FAM81A: variants seen among roughly 807,000 people sequenced by gnomAD.
The protein encoded by FAM81A is protein FAM81A.
Under a neutral mutation model 46.7 loss-of-function variants are expected in FAM81A, and 19 were observed. That is an observed-to-expected ratio of 0.41 (90% CI 0.28 to 0.60). The LOEUF (loss-of-function observed/expected upper bound fraction) is 0.60. Among genes scored for constraint, FAM81A ranks in the 20% least tolerant of loss-of-function variants. FAM81A has a pLI of 0.34. For missense variants in FAM81A, 377 were observed against 453.5 expected, an observed-to-expected ratio of 0.83 and a Z score of 1.53; for synonymous variants, 183 against 152.9, an observed-to-expected ratio of 1.20 and a Z score of -1.45.
chr15:59,517,017 AT>A (rs2082274732), intron 8 of FAM81A, among the ~76,000 whole-genome samples, 177 bp downstream of exon 8: 1 of 152,132 alleles, frequency 6.6e-6, no homozygotes, highest in South Asian at 2.1e-4. Flanking sequence ...TGCTGTTTGA[AT>A]TTCAGCTATA....
intron 1 of FAM81A, among the ~76,000 whole-genome samples, chr15:59,442,948 A>G (rs923624238): frequency 1.4e-4 from 22 of 152,238 alleles, no homozygotes; most frequent in African/African-American, 4.8e-4. Context: ...TTTAAAAAGG[A>G]CATTTTCTTG....
chr15:59,491,970 AAAAAAG>A (rs150319039), intron 3 of FAM81A, among the ~76,000 whole-genome samples: 11,772 of 151,644 alleles, frequency 0.078, 501 homozygotes, highest in African/African-American at 0.12. Flanking sequence ...CATCTCAAAA[AAAAAAG>A]AAAAAAGAAA....
At chr15:59,488,823 G>C (rs1406652790) in intron 3 of FAM81A, among the ~76,000 whole-genome samples, 1 of 151,844 alleles carries the variant, frequency 6.6e-6, no homozygotes. Context: ...CCAAAAATAC[G>C]ATAAAATAGC....
chr15:59,402,506 G>T (rs2081075902), intron 2 of FAM81A: 1 of 152,016 alleles, frequency 6.6e-6, no homozygotes, highest in South Asian at 2.1e-4. Flanking sequence ...CATGTGTTTG[G>T]CTTGGCTAGA....
At chr15:59,480,516 A>G (rs1419429927) in intron 3 of FAM81A, among the ~76,000 whole-genome samples, 1 of 152,160 alleles carries the variant, frequency 6.6e-6, no homozygotes, top group Non-Finnish European at 1.5e-5. Context: ...TCTTTGAAAA[A>G]ATAAATGAGG....
At chr15:59,421,226 G>A (rs2081169526) in intron 2 of FAM81A, among the ~76,000 whole-genome samples, 1 of 152,146 alleles carries the variant, frequency 6.6e-6, no homozygotes, top group African/African-American at 2.4e-5. Flanking sequence ...ATCACACTTC[G>A]ACGGGCAATG....
chr15:59,494,767 T>C (rs1243820006), intron 4 of FAM81A, among the ~76,000 whole-genome samples: 2 of 152,236 alleles, frequency 1.3e-5, no homozygotes, highest in Non-Finnish European at 2.9e-5. Context: ...ATGAACATTT[T>C]AAGTGGTATT....
upstream of FAM81A, among the ~76,000 whole-genome samples, chr15:59,435,195 G>A (rs2081237929): frequency 6.6e-6 from 1 of 152,162 alleles, no homozygotes; most frequent in South Asian, 2.1e-4. Flanking sequence ...GCTGAGGCGG[G>A]AGAATTGCTT....
intron 3 of FAM81A, among the ~76,000 whole-genome samples, chr15:59,479,540 AAAGGAT>A (rs1394800942): frequency 1.1e-4 from 16 of 146,364 alleles, no homozygotes; most frequent in African/African-American, 3.6e-4. Flanking sequence ...AAAAAAAAAA[AAAGGAT>A]GGTAAGGGAA....
chr15:59,436,303 T>G (rs1225141839), upstream of FAM81A, among the ~76,000 whole-genome samples: 1 of 152,056 alleles, frequency 6.6e-6, no homozygotes, highest in Non-Finnish European at 1.5e-5. Context: ...CTCTGTTTTA[T>G]AGGTGTTCCA....
At chr15:59,475,301 C>T (rs544355235) in intron 3 of FAM81A, among the ~76,000 whole-genome samples, 1 of 152,176 alleles carries the variant, frequency 6.6e-6, no homozygotes, top group African/African-American at 2.4e-5. Context: ...CACCACCACA[C>T]CCGGCTGATT....
chr15:59,439,390 A>ATGTGTG (rs146816824), intron 1 of FAM81A, among the ~76,000 whole-genome samples: 1 of 141,608 alleles, frequency 7.1e-6, no homozygotes, highest in African/African-American at 2.6e-5. Flanking sequence ...GCGTGTGTGT[A>ATGTGTG]TGTGTGTGTG....
rs774678515 is a variant in FAM81A, at chr15:59,460,348, C to T, written c.294+142C>T. ...GTCTGTCTTGTCTATTCTTAATGAT[C>T]GCCAAGGAGACAGCTTGCAGAAATA... On this transcript the variant is annotated intron_variant, in intron 3 of 8. Coordinates refer to ENST00000288228, the MANE Select transcript of FAM81A (RefSeq NM_152450.3). This position sits in a 1 kb window ranked among gnomAD's most constrained non-coding sequence, Gnocchi z 4.4. 67 of 1,100,204 alleles carry T rather than the reference C, an allele frequency of 6.1e-5. No individual in the cohort carries two copies. Among genetic ancestry groups the T allele is most frequent in the Non-Finnish European group, 9.0e-5 (65 of 722,252 alleles). The allele number at this position is 1,100,204 out of a possible 1,614,324, so 68.2% of individuals were successfully genotyped here.
intron 3 of FAM81A, among the ~76,000 whole-genome samples, chr15:59,485,077 G>A (rs1233056906): frequency 3.3e-5 from 5 of 152,172 alleles, no homozygotes; most frequent in Admixed American, 6.5e-5. Flanking sequence ...GGTGGTTTCG[G>A]CACTAGCTCA....
At chr15:59,462,869 ATAT>A (rs1462073669) in intron 3 of FAM81A, among the ~76,000 whole-genome samples, 2 of 152,086 alleles carry the variant, frequency 1.3e-5, no homozygotes, top group Non-Finnish European at 2.9e-5. Context: ...GTTATTTGTC[ATAT>A]TATTGATAAC....
chr15:59,465,110 A>G (rs1382627702), intron 3 of FAM81A, among the ~76,000 whole-genome samples: 1 of 152,180 alleles, frequency 6.6e-6, no homozygotes, highest in East Asian at 1.9e-4. Flanking sequence ...TTTGTCCAAA[A>G]TCAGATGGCT....
intron 4 of FAM81A, among the ~76,000 whole-genome samples, chr15:59,505,915 T>G (rs1331396448): frequency 1.3e-5 from 2 of 152,232 alleles, no homozygotes; most frequent in Admixed American, 6.5e-5. Context: ...TTAGCCACTT[T>G]CCTTGAATGT....
intron 3 of FAM81A, among the ~76,000 whole-genome samples, chr15:59,481,489 TCA>T (rs2081850549): frequency 6.6e-6 from 1 of 152,118 alleles, no homozygotes; most frequent in South Asian, 2.1e-4. Context: ...AGCAAAACTT[TCA>T]CATTCTAGTA....
intron 3 of FAM81A, among the ~76,000 whole-genome samples, chr15:59,480,011 A>G (rs536519478): frequency 1.3e-5 from 2 of 152,286 alleles, no homozygotes; most frequent in African/African-American, 2.4e-5. Context: ...GAGTCAAGTT[A>G]GGGGACTACT....
Sources: gnomAD v4.1 joint callset for allele counts (sites outside exome capture counted in the v4.1 genomes callset) on GRCh38, gnomAD v4.1.1 for gene constraint, Gnocchi (gnomAD v3.1) non-coding constraint, MANE v1.5 for transcripts, NCBI Gene and HGNC (gene_info 2026-07-23, HGNC 2026-07-21) for gene names.